The following ASGR1 variants were observed in gnomAD, a reference collection of about 807,000 sequenced individuals.
ASGR1 encodes C-type lectin domain family 4 member H1.
Under a neutral mutation model 33.1 loss-of-function variants are expected in ASGR1, and 35 were observed. That is an observed-to-expected ratio of 1.06 (90% confidence interval 0.81 to 1.40). ASGR1 has a LOEUF of 1.40. ASGR1 is among the 40% of genes most tolerant of loss of function. ASGR1 has a pLI of 0.00. For missense variants in ASGR1, 396 were observed against 373.7 expected (o/e 1.06, Z -0.49); for synonymous variants, 142 against 152.5 (o/e 0.93, Z 0.51).
intron 5 of ASGR1, among the ~76,000 whole-genome samples, chr17:7,176,247 AC>A (rs1306426760): frequency 2.4e-5 from 3 of 126,014 alleles, no homozygotes; most frequent in Admixed American, 7.7e-5. Context: ...AGACACACAC[AC>A]CCCATCTCAT....
chr17:7,176,435 ACACT>A (rs1283619035), intron 5 of ASGR1, among the ~76,000 whole-genome samples: 1 of 139,186 alleles, frequency 7.2e-6, no homozygotes, highest in Non-Finnish European at 1.6e-5. Context: ...CGTCATTCTC[ACACT>A]CTCACACACA....
intron 6 of ASGR1, 22 bp from the exon 7 acceptor site, chr17:7,174,311 C>G (rs1422869014): frequency 5.0e-6 from 8 of 1,613,560 alleles, no homozygotes; most frequent in Non-Finnish European, 6.8e-6. Flanking sequence ...AAACGGGGCG[C>G]AGGGGCTAAG....
chr17:7,178,319 C>A (rs1004606390), intron 2 of ASGR1, 175 bp downstream of exon 2: 2 of 689,492 alleles, frequency 2.9e-6, no homozygotes, highest in East Asian at 2.6e-5. Context: ...GGGACTCCAA[C>A]CCCACACTCC....
Position 7,174,240 on chromosome 17 carries a change from G to T in ASGR1, c.492C>A (p.Ser164Arg). 1 of 1,614,160 alleles carries T rather than the reference G, an allele frequency of 6.2e-7. No homozygotes were observed. The highest frequency in any genetic ancestry group is 1.1e-5 in the South Asian group (1 of 91,084). The change falls in exon 7 of 9, where the codon AGC (serine) becomes AGA (arginine). Residue 164 changes from serine to arginine, a missense_variant. Coordinates refer to ENST00000269299, the MANE Select transcript of ASGR1 (RefSeq NM_001671.5). ...CPVNWVEHER[S>R]CYWFSRSGKA... Reference sequence around the variant, plus strand: ...TCCCGGAGCGAGAGAACCAGTAGCAGCTGCGCTCGTGCTCCACCCAGTTGA... The same window carrying T: ...TCCCGGAGCGAGAGAACCAGTAGCATCTGCGCTCGTGCTCCACCCAGTTGA...
intron 5 of ASGR1, 148 bp from the exon 6 acceptor site, chr17:7,174,608 C>G: frequency 1.5e-6 from 1 of 680,728 alleles, no homozygotes; most frequent in Non-Finnish European, 2.6e-6. Context: ...CTGAGAGACC[C>G]CCATACACAC....
Position 7,178,599 on chromosome 17 carries a change from A to G in ASGR1, c.-25-11T>C, listed in dbSNP as rs1339007459. 1 of 1,601,400 alleles carries G rather than the reference A, an allele frequency of 6.2e-7. No homozygotes were observed. The highest frequency in any genetic ancestry group is 8.5e-7 in the Non-Finnish European group (1 of 1,171,176). ...GCGCTGGACCTGGGACTGAGTCAAG[A>G]CTGAGGCTGGGGCTGAGGTGGGGGC... On this transcript the variant is annotated splice_polypyrimidine_tract_variant and intron_variant, in intron 1 of 8. Coordinates refer to ENST00000269299, the MANE Select transcript of ASGR1 (RefSeq NM_001671.5).
At position 7,174,453 on chromosome 17, in the gene ASGR1, G is replaced by A. The variant is rs1281975540; in HGVS notation, c.363C>T (p.Ser121=). The A allele has an allele frequency of 6.2e-7, 1 of 1,612,830 alleles. No homozygotes were observed. Among genetic ancestry groups the A allele is most frequent in the African/African-American group, 1.3e-5 (1 of 74,874 alleles). ...ACTGCTTCACGTGGAGCAGCAGGCT[G>A]GAGTGATCTGGGGAGACCGGGCGGA... is the stretch of plus-strand genomic sequence containing the variant. ...KQQKDLSEDH[S]SLLLHVKQFV... The change falls in exon 6 of 9, where the codon TCC becomes TCT. Residue 121 remains serine, a synonymous_variant. Transcript: ENST00000269299.
rs376738856 is a variant in ASGR1 at position 7,174,120 on chromosome 17, G to T, written c.594+18C>A. 1.9e-6 allele frequency: 3 copies of T among 1,614,090 alleles called. No homozygotes were observed. The Admixed American group carries it at 5.0e-5, about 27-fold the overall frequency. On this transcript the variant is annotated intron_variant, in intron 7 of 8. Coordinates refer to ENST00000269299, the MANE Select transcript of ASGR1 (RefSeq NM_001671.5). ...CTCTCCGAGGCCAGCCAGCCTCCCA[G>T]ACCCTCCGGGTCCTCACCTGCTCCT...
At chr17:7,174,653 TAC>T (rs959632550) in intron 5 of ASGR1, among the ~76,000 whole-genome samples, 193 bp from the exon 6 acceptor site, 17 of 138,488 alleles carry the variant, frequency 1.2e-4, no homozygotes, top group East Asian at 8.6e-4. Flanking sequence ...AACACACCCT[TAC>T]ACACACACTC....
intron 5 of ASGR1, among the ~76,000 whole-genome samples, chr17:7,174,857 C>G (rs540975142): frequency 6.6e-6 from 1 of 150,638 alleles, no homozygotes; most frequent in Non-Finnish European, 1.5e-5. Flanking sequence ...ACATCCACAA[C>G]ACACACAACA....
intron 5 of ASGR1, 67 bp downstream of exon 5, chr17:7,176,759 TTCTC>T (rs1405206419): frequency 1.2e-5 from 18 of 1,551,254 alleles, no homozygotes; most frequent in Admixed American, 5.2e-5. Context: ...CACTCACACT[TTCTC>T]ACACACATCC....
chr17:7,175,257 TCACACA>T (rs559956547), intron 5 of ASGR1, among the ~76,000 whole-genome samples: 110 of 131,012 alleles, frequency 8.4e-4, no homozygotes, highest in Middle Eastern at 5.9e-3. Flanking sequence ...ACATACACCC[TCACACA>T]CACACACGGA....
chr17:7,175,869 T>TCACACA (rs368357043), intron 5 of ASGR1, among the ~76,000 whole-genome samples: 189 of 134,470 alleles, frequency 1.4e-3, no homozygotes, highest in African/African-American at 4.8e-3. Flanking sequence ...CTCCCACTCC[T>TCACACA]CACACACAGT....
At position 7,177,092 on chromosome 17, in the gene ASGR1, T is replaced by G. The variant is rs751585208; in HGVS notation, c.188-16A>C. ...AGCTGGGAGTCTGGCCAGGACAGCGTGCAGAGAGAAGAAAACGGGATCGCT... is the reference window on the plus strand; with the variant it reads ...AGCTGGGAGTCTGGCCAGGACAGCGGGCAGAGAGAAGAAAACGGGATCGCT... On this transcript the variant is annotated splice_polypyrimidine_tract_variant and intron_variant, in intron 3 of 8. Transcript: ENST00000269299. The G allele has an allele frequency of 2.5e-6, 4 of 1,613,606 alleles. No homozygotes were observed. In the Admixed American group the frequency reaches 6.7e-5, roughly 27 times the overall value.
intron 5 of ASGR1, among the ~76,000 whole-genome samples, chr17:7,175,601 TTCTC>T (rs924779412): frequency 7.5e-4 from 112 of 149,796 alleles, no homozygotes; most frequent in Middle Eastern, 3.5e-3. Context: ...TATACTTACA[TTCTC>T]ACACACGCAA....
rs201068122 is a variant in ASGR1, at chr17:7,174,121, A to G, written c.594+17T>C. ...TCTCCGAGGCCAGCCAGCCTCCCAG[A>G]CCCTCCGGGTCCTCACCTGCTCCTC... is the stretch of plus-strand genomic sequence containing the variant. On this transcript the variant is annotated intron_variant, in intron 7 of 8. Coordinates refer to ENST00000269299, the MANE Select transcript of ASGR1 (RefSeq NM_001671.5). 183 of 1,613,508 alleles carry G rather than the reference A, an allele frequency of 1.1e-4. No homozygotes were observed. Among genetic ancestry groups the G allele is most frequent in the Non-Finnish European group, 1.4e-4 (168 of 1,179,822 alleles).
intron 5 of ASGR1, 37 bp from the exon 6 acceptor site, chr17:7,174,497 C>A (rs2069171394): frequency 1.9e-6 from 3 of 1,590,502 alleles, no homozygotes; most frequent in African/African-American, 1.3e-5. Flanking sequence ...GGAGGAGATG[C>A]GGAAACCACG....
In ASGR1 at chr17:7,173,622, G is replaced by A. The variant is rs1373457898; in HGVS notation, c.*37C>T. On this transcript the variant is annotated 3_prime_UTR_variant, in exon 9 of 9. Coordinates refer to ENST00000269299, the MANE Select transcript of ASGR1 (RefSeq NM_001671.5). This position sits in a 1 kb window ranked among gnomAD's most constrained non-coding sequence, Gnocchi z 4.7. ...CCCAGATGGGCGGATTCCCAATCCC[G>A]GACCCCTGCGGCAGGTCGAGGCATT... 5 of 1,610,788 alleles carry A rather than the reference G, an allele frequency of 3.1e-6. No individual in the cohort carries two copies. The highest frequency in any genetic ancestry group is 4.2e-6 in the Non-Finnish European group (5 of 1,179,800).
chr17:7,173,776 C>T lies in ASGR1; in HGVS notation c.759G>A (p.Glu253=), dbSNP rs1567791684. ...CGTCGTCGGTGAAGTGGGCACAGTC[C>T]TCGCCTCCTCCGAGCCCGTGGCCGT... ...DWYGHGLGGG[E]DCAHFTDDGR... Residue 253 remains glutamate (E), a synonymous_variant, in exon 9 of 9, where the codon GAG becomes GAA. Coordinates refer to ENST00000269299, the MANE Select transcript of ASGR1 (RefSeq NM_001671.5). This position sits in a 1 kb window ranked among gnomAD's most constrained non-coding sequence, Gnocchi z 4.7. 3.7e-6 allele frequency: 6 copies of T among 1,613,212 alleles called. No individual in the cohort carries two copies. The East Asian group carries it at 8.9e-5, about 24-fold the overall frequency.
Sources: gnomAD v4.1 joint callset for allele counts (sites outside exome capture counted in the v4.1 genomes callset) on GRCh38, gnomAD v4.1.1 for gene constraint, Gnocchi (gnomAD v3.1) non-coding constraint, MANE v1.5 for transcripts, NCBI Gene and HGNC (gene_info 2026-07-23, HGNC 2026-07-21) for gene names.